DPP10: variants seen among roughly 807,000 people sequenced by gnomAD.
DPP10 encodes the protein dipeptidyl peptidase like 10.
DPP10 carries 33 observed loss-of-function variants against 120.9 expected under a neutral mutation model. The ratio of observed to expected loss-of-function variants is 0.27; its 90% CI spans 0.21 to 0.37. The LOEUF (loss-of-function observed/expected upper bound fraction) is 0.37, where lower values mean the gene tolerates loss of function less well. DPP10 is among the 10% of genes least tolerant of loss of function. DPP10 has a pLI of 1.00. For synonymous variants in DPP10, 337 were observed against 326.1 expected, an observed-to-expected ratio of 1.03 and a Z score of -0.36; for missense variants, 816 against 942.8, an observed-to-expected ratio of 0.87 and a Z score of 1.76.
chr2:115,739,829 C>T lies in DPP10; in HGVS notation c.788C>T (p.Thr263Ile), dbSNP rs1351668652. ...ATGATAAATGACTCTTTGGTACCCA[C>T]CATGGTTATCCCTCGGTTTACTGGA... ...FLMINDSLVP[T>I]MVIPRFTGAL... Residue 263 changes from threonine to isoleucine, a missense_variant, in exon 9 of 26, where the codon ACC becomes ATC. Transcript: ENST00000410059. The T allele has an allele frequency of 1.2e-5, 19 of 1,613,528 alleles. No homozygotes were observed. The highest frequency in any genetic ancestry group is 1.6e-5 in the Non-Finnish European group (19 of 1,179,572).
At chr2:114,447,992 A>G (rs1678037233) in intron 1 of DPP10, among the ~76,000 whole-genome samples, 3 of 152,210 alleles carry the variant, frequency 2.0e-5, no homozygotes, top group Non-Finnish European at 4.4e-5. Context: ...CTAATGACAA[A>G]TTTATCACCA....
intron 21 of DPP10, 26 bp from the exon 22 acceptor site, chr2:115,836,119 GATATATATATAT>G: frequency 5.5e-5 from 40 of 730,156 alleles, no homozygotes; most frequent in Non-Finnish European, 7.5e-5. Context: ...GTGTGTGTGA[GATATATATATAT>G]ATATATATAT....
chr2:115,366,921 G>A (rs899507369), intron 3 of DPP10, among the ~76,000 whole-genome samples: 4 of 151,986 alleles, frequency 2.6e-5, no homozygotes, highest in East Asian at 1.9e-4. Flanking sequence ...GATCGGTGTT[G>A]GTCATGCCCA....
intron 1 of DPP10, among the ~76,000 whole-genome samples, chr2:115,294,687 T>G (rs1272387158): frequency 6.6e-6 from 1 of 152,126 alleles, no homozygotes; most frequent in Non-Finnish European, 1.5e-5. Flanking sequence ...TCCTTACACC[T>G]ATGTAGTTTA....
At chr2:115,285,499 C>T (rs1402099344) in intron 1 of DPP10, among the ~76,000 whole-genome samples, 1 of 151,980 alleles carries the variant, frequency 6.6e-6, no homozygotes, top group Non-Finnish European at 1.5e-5. Context: ...CAAGTTACAC[C>T]GGTGACCTTT....
intron 3 of DPP10, among the ~76,000 whole-genome samples, chr2:115,484,039 A>G (rs2075612532): frequency 6.6e-6 from 1 of 152,044 alleles, no homozygotes; most frequent in Non-Finnish European, 1.5e-5. Context: ...ACTCGTGTAG[A>G]TGACAGGACC....
intron 22 of DPP10, 66 bp downstream of exon 22, chr2:115,836,322 A>G: frequency 6.8e-7 from 1 of 1,469,280 alleles, no homozygotes; most frequent in Non-Finnish European, 9.3e-7. Flanking sequence ...AGCCCAATTT[A>G]GAATAGCTCA....
chr2:115,438,557 T>C (rs2071717994), intron 3 of DPP10, among the ~76,000 whole-genome samples: 1 of 152,190 alleles, frequency 6.6e-6, no homozygotes, highest in East Asian at 1.9e-4. Flanking sequence ...AAATATTATT[T>C]AGCCTTAAAG....
intron 17 of DPP10, among the ~76,000 whole-genome samples, chr2:115,789,360 G>A (rs1037703732): frequency 3.3e-5 from 5 of 152,088 alleles, no homozygotes; most frequent in African/African-American, 4.8e-5. Context: ...GTAATTCACC[G>A]TATTACACTG....
chr2:115,429,798 C>G (rs1291859132), intron 3 of DPP10, among the ~76,000 whole-genome samples: 1 of 152,128 alleles, frequency 6.6e-6, no homozygotes, highest in Non-Finnish European at 1.5e-5. Flanking sequence ...GGGACAAATA[C>G]TTATTAGCAG....
rs1287432871 is a variant in DPP10, at chr2:114,790,496, C to T, written c.60+347658C>T. Among the ~76,000 whole-genome samples, 3 of 152,102 alleles carry T rather than the reference C, an allele frequency of 2.0e-5. No homozygotes were observed. The East Asian group carries it at 5.8e-4, about 29-fold the overall frequency. On this transcript the variant is annotated intron_variant, in intron 1 of 25. Coordinates refer to ENST00000410059, the MANE Select transcript of DPP10 (RefSeq NM_020868.6). ...TTCATGCGCGTCCGTGTGAAGAGGC[C>T]ACCAAACAGGCTTTGTGTGAGCAAC...
At chr2:114,475,150 A>C (rs1054909562) in intron 1 of DPP10, among the ~76,000 whole-genome samples, 3 of 152,220 alleles carry the variant, frequency 2.0e-5, no homozygotes, top group Non-Finnish European at 4.4e-5. Context: ...CGCACGGCAC[A>C]GTTTACACAC....
At chr2:115,800,514 C>T (rs1685084215) in intron 19 of DPP10, among the ~76,000 whole-genome samples, 1 of 152,094 alleles carries the variant, frequency 6.6e-6, no homozygotes, top group Non-Finnish European at 1.5e-5. Flanking sequence ...CTTGCCCATG[C>T]CTTTGTCCTG....
At chr2:115,071,229 C>A (rs1286107062) in intron 1 of DPP10, among the ~76,000 whole-genome samples, 1 of 152,038 alleles carries the variant, frequency 6.6e-6, no homozygotes, top group African/African-American at 2.4e-5. Context: ...ATTCTCCCTG[C>A]CTATTTCTTG....
intron 1 of DPP10, among the ~76,000 whole-genome samples, chr2:114,917,543 C>T (rs1694895100): frequency 6.6e-6 from 1 of 152,054 alleles, no homozygotes; most frequent in Non-Finnish European, 1.5e-5. Flanking sequence ...GGAGGCATCA[C>T]CTGACTTCAA....
chr2:115,652,726 T>C (rs907194694), intron 5 of DPP10, among the ~76,000 whole-genome samples: 1 of 151,750 alleles, frequency 6.6e-6, no homozygotes, highest in African/African-American at 2.4e-5. Flanking sequence ...GCGAATCATC[T>C]CTTATTCTGC....
intron 1 of DPP10, among the ~76,000 whole-genome samples, chr2:115,010,722 G>A (rs1244558820): frequency 6.6e-6 from 1 of 152,084 alleles, no homozygotes; most frequent in Non-Finnish European, 1.5e-5. Context: ...ATCATTTTAT[G>A]AACAAAATGT....
chr2:114,602,315 A>ATGTGTG (rs3029135), intron 1 of DPP10, among the ~76,000 whole-genome samples: 9 of 149,112 alleles, frequency 6.0e-5, no homozygotes, highest in Admixed American at 5.4e-4. Flanking sequence ...ATACTTGTTA[A>ATGTGTG]TGTGTGTGTG....
At chr2:115,143,683 A>G (rs1371029058) in intron 1 of DPP10, among the ~76,000 whole-genome samples, 1 of 152,162 alleles carries the variant, frequency 6.6e-6, no homozygotes, top group African/African-American at 2.4e-5. Flanking sequence ...GCCTCAACAG[A>G]TTTTAGTCTC....
Sources: gnomAD v4.1 joint callset for allele counts (sites outside exome capture counted in the v4.1 genomes callset) on GRCh38, gnomAD v4.1.1 for gene constraint, MANE v1.5 for transcripts, NCBI Gene and HGNC (gene_info 2026-07-23, HGNC 2026-07-21) for gene names.